The following CLSTN2 variants were observed in gnomAD, a reference collection of about 807,000 sequenced individuals.
CLSTN2 encodes the protein calsyntenin 2.
A neutral mutation model predicts 101.2 loss-of-function variants in CLSTN2; 48 were observed. The ratio of observed to expected loss-of-function variants is 0.47; its 90% CI spans 0.38 to 0.60. The LOEUF is 0.60. CLSTN2 is among the 20% of genes least tolerant of loss of function. The pLI is 0.00. For missense variants in CLSTN2, 1,160 were observed against 1,238.2 expected (o/e 0.94, Z 0.95); for synonymous variants, 481 against 463.6 (o/e 1.04, Z -0.48).
intron 16 of CLSTN2, among the ~76,000 whole-genome samples, chr3:140,565,452 G>A (rs1157352766): frequency 1.3e-5 from 2 of 152,170 alleles, no homozygotes; most frequent in Non-Finnish European, 2.9e-5. Context: ...AAAGCTGGAG[G>A]GAGGGGGAAT....
At chr3:140,125,566 T>C (rs1308248007) in intron 1 of CLSTN2, among the ~76,000 whole-genome samples, 2 of 151,498 alleles carry the variant, frequency 1.3e-5, no homozygotes, top group South Asian at 4.2e-4. Context: ...CTGAGAGGAG[T>C]TGGAAGGGAG....
chr3:140,386,621 T>A (rs1871494), intron 2 of CLSTN2, among the ~76,000 whole-genome samples: 137 of 151,970 alleles, frequency 9.0e-4, no homozygotes, highest in African/African-American at 3.2e-3. Context: ...TCTCTCTGGG[T>A]GTGAGAACAA....
intron 5 of CLSTN2, among the ~76,000 whole-genome samples, chr3:140,440,520 A>C (rs150307585): frequency 9.3e-4 from 141 of 152,336 alleles, no homozygotes; most frequent in African/African-American, 3.2e-3. Flanking sequence ...TTTAATGCTC[A>C]AAAATGTGTG....
chr3:140,184,346 A>T (rs942934013), intron 2 of CLSTN2, among the ~76,000 whole-genome samples: 22 of 152,166 alleles, frequency 1.4e-4, no homozygotes, highest in Non-Finnish European at 7.4e-5. Flanking sequence ...TTCTGCCTGG[A>T]TGGGGAGGCC....
At chr3:140,451,530 A>G (rs571884731) in intron 6 of CLSTN2, among the ~76,000 whole-genome samples, 1 of 152,280 alleles carries the variant, frequency 6.6e-6, no homozygotes, top group East Asian at 1.9e-4. Flanking sequence ...GAGCAGGATC[A>G]GTCCTGCCTC....
In CLSTN2 at chr3:140,532,657, G is replaced by A. The variant is rs535896930; in HGVS notation, c.1507+171G>A. On this transcript the variant is annotated intron_variant, in intron 9 of 16. Transcript: ENST00000458420. ...ATAAGTATAAATCTACAAACTAAAC[G>A]TATTGTATAATAACAAGCTTAAGGC... Among the ~76,000 whole-genome samples the A allele has an allele frequency of 7.2e-5, 11 of 152,246 alleles. No homozygotes were observed. In the South Asian group the frequency reaches 1.0e-3, roughly 14 times the overall value.
chr3:140,307,853 C>T (rs886974061), intron 2 of CLSTN2, among the ~76,000 whole-genome samples: 23 of 152,156 alleles, frequency 1.5e-4, no homozygotes, highest in African/African-American at 5.6e-4. Context: ...TAGAGCAATG[C>T]CAAACCAATT....
intron 2 of CLSTN2, among the ~76,000 whole-genome samples, chr3:140,252,898 A>G (rs188968995): frequency 6.6e-6 from 1 of 152,048 alleles, no homozygotes; most frequent in African/African-American, 2.4e-5. Context: ...GATGAAAGCC[A>G]GTGATGGCTA....
chr3:140,565,544 T>C (rs1936009320), intron 16 of CLSTN2, among the ~76,000 whole-genome samples: 1 of 152,106 alleles, frequency 6.6e-6, no homozygotes, highest in Non-Finnish European at 1.5e-5. Flanking sequence ...ACCAATAAAT[T>C]TGTCCTTTCC....
At chr3:140,404,230 A>T (rs567727870) in intron 3 of CLSTN2, among the ~76,000 whole-genome samples, 1 of 152,344 alleles carries the variant, frequency 6.6e-6, no homozygotes, top group Non-Finnish European at 1.5e-5. Flanking sequence ...CTCAGAGCCT[A>T]ACAGAGTAAG....
chr3:140,283,308 T>C (rs1037448714), intron 2 of CLSTN2, among the ~76,000 whole-genome samples: 1 of 152,142 alleles, frequency 6.6e-6, no homozygotes, highest in Non-Finnish European at 1.5e-5. Flanking sequence ...ATTATTTCCA[T>C]ATATACCTTC....
chr3:140,068,442 C>G (rs1372809700), intron 1 of CLSTN2, among the ~76,000 whole-genome samples: 2 of 152,224 alleles, frequency 1.3e-5, no homozygotes, highest in African/African-American at 2.4e-5. Context: ...GGACTCAAAC[C>G]CATGTCTTTG....
At chr3:140,033,758 T>A (rs1356208448) in intron 1 of CLSTN2, among the ~76,000 whole-genome samples, 1 of 152,216 alleles carries the variant, frequency 6.6e-6, no homozygotes, top group Non-Finnish European at 1.5e-5. Context: ...CTTTTTTCTG[T>A]GCAGGTAGGC....
intron 1 of CLSTN2, among the ~76,000 whole-genome samples, chr3:140,007,679 C>T (rs1052557010): frequency 4.6e-5 from 7 of 152,304 alleles, no homozygotes; most frequent in Admixed American, 2.0e-4. Context: ...CTCTCCTCTC[C>T]GTGGGTCTCA....
At chr3:140,053,771 T>C (rs2008046237) in intron 1 of CLSTN2, among the ~76,000 whole-genome samples, 1 of 152,200 alleles carries the variant, frequency 6.6e-6, no homozygotes, top group South Asian at 2.1e-4. Flanking sequence ...TAAGCCTGTT[T>C]CATTATGTGT....
chr3:140,456,998 ACAAT>A (rs962244961), intron 6 of CLSTN2, among the ~76,000 whole-genome samples: 3 of 152,038 alleles, frequency 2.0e-5, no homozygotes, highest in African/African-American at 7.3e-5. Flanking sequence ...AGGGAAATTC[ACAAT>A]CAATTTCTTC....
chr3:140,240,197 T>C lies in CLSTN2; in HGVS notation c.232+64124T>C, dbSNP rs1253695061. 5.1e-3 allele frequency among the ~76,000 whole-genome samples: 41 copies of C among 8,004 alleles called. 2 individuals are homozygous for C. Among genetic ancestry groups the C allele is most frequent in the African/African-American group, 5.8e-3 (39 of 6,778 alleles). 5.3% of individuals were successfully genotyped at this position (8,004 alleles called of 152,430 possible). A position where few individuals can be genotyped will look rare whatever the true frequency, so the allele number is the denominator to read the frequency against. Reference sequence around the variant, plus strand: ...CTCTATATATATATATATATATATATATACACACACACACACACACACACA... The same window carrying C: ...CTCTATATATATATATATATATATACATACACACACACACACACACACACA... On this transcript the variant is annotated intron_variant, in intron 2 of 16. Transcript: ENST00000458420.
chr3:140,477,492 A>G (rs1323720588), intron 8 of CLSTN2, among the ~76,000 whole-genome samples: 1 of 152,228 alleles, frequency 6.6e-6, no homozygotes, highest in East Asian at 1.9e-4. Flanking sequence ...TGTGAGGGAA[A>G]AAAGGGAAAC....
At chr3:140,543,967 GAC>G (rs1423957004) in intron 9 of CLSTN2, among the ~76,000 whole-genome samples, 1 of 152,174 alleles carries the variant, frequency 6.6e-6, no homozygotes, top group African/African-American at 2.4e-5. Flanking sequence ...TTGAACTAAA[GAC>G]AGTCTGTCTC....
Sources: allele counts gnomAD v4.1 joint callset (sites outside exome capture counted in the v4.1 genomes callset), GRCh38; gene constraint gnomAD v4.1.1; transcripts MANE v1.5; gene names NCBI Gene and HGNC (gene_info 2026-07-23, HGNC 2026-07-21).